IMPG1: variants seen among roughly 807,000 people sequenced by gnomAD.
IMPG1 encodes interphotoreceptor matrix proteoglycan of 150 kDa.
In IMPG1, 85 loss-of-function variants were observed where a neutral mutation model predicts 92.0. That is an observed-to-expected ratio of 0.92 (90% CI 0.78 to 1.11). The LOEUF is 1.11. IMPG1 is among the 50% of genes least tolerant of loss of function. The pLI, the probability that IMPG1 is intolerant of heterozygous loss-of-function variation, is 0.00. For synonymous variants in IMPG1, 367 were observed against 334.1 expected (o/e 1.10, Z -1.08); for missense variants, 1,022 against 956.0 (o/e 1.07, Z -0.91).
chr6:75,935,155 C>T (rs1262655758), intron 14 of IMPG1: 1 of 396,332 alleles, frequency 2.5e-6, no homozygotes, highest in Non-Finnish European at 5.3e-6. Flanking sequence ...TTAAGCACCC[C>T]AGCTGATTTC....
In IMPG1 at chr6:75,983,673, T is replaced by G. The variant is rs926411777; in HGVS notation, c.1291+19245A>C. 1.3e-5 allele frequency among the ~76,000 whole-genome samples: 2 copies of G among 152,098 alleles called. 1 individual carries two copies. Among genetic ancestry groups the G allele is most frequent in the Admixed American group, 1.3e-4 (2 of 15,258 alleles). Reference sequence around the variant, plus strand: ...TCCATGAAAATGGTCTGGGCAATGATTTTTTTGGATACAACTCTAAAAGCA... The same window carrying G: ...TCCATGAAAATGGTCTGGGCAATGAGTTTTTTGGATACAACTCTAAAAGCA... On this transcript the variant is annotated intron_variant, in intron 12 of 16. Transcript: ENST00000369950.
chr6:76,070,096 A>G (rs1382227519), intron 1 of IMPG1, among the ~76,000 whole-genome samples: 1 of 152,198 alleles, frequency 6.6e-6, no homozygotes, highest in Non-Finnish European at 1.5e-5. Flanking sequence ...CAATATACCT[A>G]TGTAACTAAC....
chr6:76,012,184 C>T (rs984252480), intron 7 of IMPG1, among the ~76,000 whole-genome samples: 4 of 152,132 alleles, frequency 2.6e-5, no homozygotes, highest in African/African-American at 9.7e-5. Context: ...TTTGACCTTA[C>T]TAATGAGGCC....
At chr6:76,011,040 T>A in intron 8 of IMPG1, 126 bp downstream of exon 8, 1 of 598,090 alleles carries the variant, frequency 1.7e-6, no homozygotes, top group Non-Finnish European at 3.0e-6. Flanking sequence ...CGTACTCCGT[T>A]TCCAGGATTT....
At chr6:76,064,248 G>T (rs1784263443) in intron 1 of IMPG1, among the ~76,000 whole-genome samples, 1 of 152,146 alleles carries the variant, frequency 6.6e-6, no homozygotes, top group Non-Finnish European at 1.5e-5. Flanking sequence ...TGCAGGAAAG[G>T]TAAGGTGTCT....
chr6:75,993,516 A>AAG (rs963983357), intron 12 of IMPG1, among the ~76,000 whole-genome samples: 3 of 151,498 alleles, frequency 2.0e-5, no homozygotes, highest in African/African-American at 7.3e-5. Flanking sequence ...GAGAGAAAGA[A>AAG]AGAGAGAGAG....
intron 1 of IMPG1, among the ~76,000 whole-genome samples, chr6:76,045,932 A>G (rs910478400): frequency 6.6e-6 from 1 of 152,202 alleles, no homozygotes; most frequent in African/African-American, 2.4e-5. Context: ...GCTACAAAAT[A>G]GAGTATATTT....
At chr6:76,051,047 G>A (rs186343120) in intron 1 of IMPG1, among the ~76,000 whole-genome samples, 132 of 152,096 alleles carry the variant, frequency 8.7e-4, no homozygotes, top group African/African-American at 3.0e-3. Context: ...CATAATTTGA[G>A]GAACAGAACT....
At chr6:75,987,171 C>T (rs1782730245) in intron 12 of IMPG1, among the ~76,000 whole-genome samples, 1 of 152,026 alleles carries the variant, frequency 6.6e-6, no homozygotes, top group African/African-American at 2.4e-5. Flanking sequence ...GAAAAAACCT[C>T]ACTGGGAGGG....
chr6:76,069,405 A>G (rs1439548838), intron 1 of IMPG1, among the ~76,000 whole-genome samples: 4 of 152,238 alleles, frequency 2.6e-5, no homozygotes, highest in African/African-American at 9.6e-5. Context: ...GCCTGTGCAC[A>G]GTAAAAGAAA....
chr6:76,027,626 A>G (rs1783571966), intron 4 of IMPG1, among the ~76,000 whole-genome samples: 2 of 152,222 alleles, frequency 1.3e-5, no homozygotes, highest in South Asian at 2.1e-4. Flanking sequence ...TGTGGAAATT[A>G]CTCTTGCAGA....
At chr6:75,931,463 G>A (rs574546162) in intron 14 of IMPG1, among the ~76,000 whole-genome samples, 2 of 152,334 alleles carry the variant, frequency 1.3e-5, no homozygotes, top group East Asian at 3.9e-4. Context: ...CAAGCAGCGT[G>A]GAATGGGGAC....
At chr6:76,004,094 G>A in intron 10 of IMPG1, 144 bp from the exon 11 acceptor site, 1 of 611,872 alleles carries the variant, frequency 1.6e-6, no homozygotes. Flanking sequence ...CAGAGGCATA[G>A]AAAAAAGGTC....
chr6:75,934,887 T>C (rs1562339069), intron 14 of IMPG1: 1 of 463,702 alleles, frequency 2.2e-6, no homozygotes, highest in Admixed American at 2.4e-5. Context: ...ATTTATCATA[T>C]CATCTCCTGC....
intron 15 of IMPG1, among the ~76,000 whole-genome samples, chr6:75,927,754 A>G (rs1387679465): frequency 4.0e-5 from 2 of 49,674 alleles, no homozygotes; most frequent in African/African-American, 7.9e-5. Context: ...TTCCTTCCCC[A>G]CTTCCTCTCA....
intron 14 of IMPG1, among the ~76,000 whole-genome samples, chr6:75,938,603 A>T (rs542646624): frequency 1.2e-4 from 18 of 152,140 alleles, no homozygotes; most frequent in Non-Finnish European, 2.5e-4. Flanking sequence ...ACTTGAGGCC[A>T]TGAGTTTGAG....
In IMPG1 at chr6:75,950,418, T is replaced by C. The variant is rs79965079; in HGVS notation, c.1824+144A>G. 0.016 allele frequency: 10,718 copies of C among 679,582 alleles called. 969 individuals carry two copies. In the East Asian group the frequency reaches 0.22, roughly 14 times the overall value. The allele number at this position is 679,582 out of a possible 1,614,324, so 42.1% of individuals were successfully genotyped here. Reference sequence around the variant, plus strand: ...TGGATCTGAATTCATCTCAAAATTCTAGTTGAATGTCTTCAGCAACAGCTG... The same window carrying C: ...TGGATCTGAATTCATCTCAAAATTCCAGTTGAATGTCTTCAGCAACAGCTG... On this transcript the variant is annotated intron_variant, in intron 13 of 16. Transcript: ENST00000369950.
At chr6:76,003,987 T>TCC (rs1312573279) in intron 10 of IMPG1, 37 bp from the exon 11 acceptor site, 1 of 1,517,130 alleles carries the variant, frequency 6.6e-7, no homozygotes, top group Non-Finnish European at 9.1e-7. Context: ...AATGTATCTT[T>TCC]CCTTTTTCTT....
chr6:75,951,851 A>G (rs1405064136), intron 12 of IMPG1, among the ~76,000 whole-genome samples: 1 of 152,130 alleles, frequency 6.6e-6, no homozygotes, highest in African/African-American at 2.4e-5. Context: ...CTGAGGCCCA[A>G]GAATCTCTTG....
Sources: allele counts gnomAD v4.1 joint callset (sites outside exome capture counted in the v4.1 genomes callset), GRCh38; gene constraint gnomAD v4.1.1; transcripts MANE v1.5; gene names NCBI Gene and HGNC (gene_info 2026-07-23, HGNC 2026-07-21).